PALD1: variants seen among roughly 807,000 people sequenced by gnomAD.
PALD1 encodes phosphatase domain containing paladin 1, also known as paladin.
PALD1 carries 57 observed loss-of-function variants against 96.0 expected under a neutral mutation model. The ratio of observed to expected loss-of-function variants is 0.59; its 90% CI spans 0.48 to 0.74. The LOEUF (loss-of-function observed/expected upper bound fraction) is 0.74, where lower values mean the gene tolerates loss of function less well. Ranked by LOEUF, PALD1 falls within the 30% of genes least tolerant of loss-of-function variation. The pLI is 0.00. For missense variants in PALD1, 1,063 were observed against 1,143.7 expected (o/e 0.93, Z 1.02); for synonymous variants, 464 against 473.6 (o/e 0.98, Z 0.26).
At chr10:70,558,332 T>C (rs200196998) in intron 18 of PALD1, among the ~76,000 whole-genome samples, 1 of 152,214 alleles carries the variant, frequency 6.6e-6, no homozygotes, top group East Asian at 1.9e-4. Context: ...GACCTCAGCC[T>C]CCCTTTCTGG....
At chr10:70,564,720 G>C (rs10823573) in intron 19 of PALD1, among the ~76,000 whole-genome samples, 18,610 of 152,252 alleles carry the variant, frequency 0.12, 1,667 homozygotes, top group East Asian at 0.53. Context: ...GTTTGTCTGT[G>C]CCTGGCAGGC....
intron 5 of PALD1, 147 bp from the exon 6 acceptor site, chr10:70,532,474 C>T: frequency 2.7e-6 from 2 of 734,006 alleles, no homozygotes; most frequent in South Asian, 3.7e-5. Context: ...GCATAGAGAG[C>T]ACTTCTGGCT....
intron 7 of PALD1, 149 bp from the exon 8 acceptor site, chr10:70,533,770 GCTT>G: frequency 1.6e-6 from 1 of 636,852 alleles, no homozygotes; most frequent in Non-Finnish European, 2.6e-6. Flanking sequence ...TCAGGCTGTG[GCTT>G]TGGCAGAAGA....
rs368066159 is a variant in PALD1, at chr10:70,536,892, G to A, written c.1228-919G>A. ...ACCTGGAGATCCGAGGGCCCTTGGG[G>A]TTCTCTCGGACAACCCCCCATGCAG... On this transcript the variant is annotated intron_variant, in intron 10 of 19. Coordinates refer to ENST00000263563, the MANE Select transcript of PALD1 (RefSeq NM_014431.3). Among the ~76,000 whole-genome samples the A allele has an allele frequency of 2.6e-5, 4 of 152,154 alleles. No individual in the cohort carries two copies. In the East Asian group the frequency reaches 5.8e-4, roughly 22 times the overall value.
intron 1 of PALD1, among the ~76,000 whole-genome samples, chr10:70,508,617 C>T (rs1255529181): frequency 3.9e-5 from 6 of 152,340 alleles, no homozygotes; most frequent in Admixed American, 6.5e-5. Flanking sequence ...CCTGTCCCAA[C>T]GCCACCACCC....
intron 1 of PALD1, among the ~76,000 whole-genome samples, chr10:70,504,075 G>C (rs1270857231): frequency 6.6e-6 from 1 of 152,224 alleles, no homozygotes; most frequent in East Asian, 1.9e-4. Context: ...TGCAAAAATG[G>C]GAGTAAGGCA....
intron 17 of PALD1, among the ~76,000 whole-genome samples, chr10:70,543,363 A>T (rs1267960772): frequency 1.3e-5 from 2 of 152,148 alleles, no homozygotes; most frequent in East Asian, 3.9e-4. Flanking sequence ...GTGTCATTTG[A>T]TGCACAAAAG....
chr10:70,478,354 G>T (rs542805103), upstream of PALD1, among the ~76,000 whole-genome samples: 1 of 152,308 alleles, frequency 6.6e-6, no homozygotes, highest in Non-Finnish European at 1.5e-5. Context: ...GCCGAGGCTC[G>T]GCCTGGCTGT....
rs1454024612 is a variant in PALD1 at position 70,531,319 on chromosome 10, AC to A, written c.500del (p.Pro167LeufsTer52). Reference sequence around the variant, plus strand: ...GTGTCATCTTCTGTGTGCGGGAGGAACCTGTGCTTTTCCTGCGTGCAGATGA... The same window carrying A: ...GTGTCATCTTCTGTGTGCGGGAGGAACTGTGCTTTTCCTGCGTGCAGATGA... Reference protein sequence around the residue: ...ECVIFCVREEPVLFLRADEDF... With the variant: ...ECVIFCVREEXVLFLRADEDF... On this transcript the variant is annotated frameshift_variant, in exon 5 of 20. Coordinates refer to ENST00000263563, the MANE Select transcript of PALD1 (RefSeq NM_014431.3). LOFTEE classifies it high-confidence loss of function. The A allele has an allele frequency of 1.2e-6, 2 of 1,613,440 alleles. No homozygotes were observed. The highest frequency in any genetic ancestry group is 2.7e-5 in the African/African-American group (2 of 74,792).
chr10:70,550,687 A>G (rs934751703), intron 18 of PALD1, among the ~76,000 whole-genome samples: 5 of 152,120 alleles, frequency 3.3e-5, no homozygotes, highest in Non-Finnish European at 2.9e-5. Flanking sequence ...GTGGATTTGC[A>G]TGGTCTGGCC....
At chr10:70,543,292 T>C (rs983813843) in intron 17 of PALD1, among the ~76,000 whole-genome samples, 1 of 152,186 alleles carries the variant, frequency 6.6e-6, no homozygotes, top group African/African-American at 2.4e-5. Context: ...TAATCACTTA[T>C]AAGAGAGGTG....
intron 1 of PALD1, among the ~76,000 whole-genome samples, chr10:70,511,695 T>G (rs1362937062): frequency 6.6e-6 from 1 of 152,158 alleles, no homozygotes; most frequent in Non-Finnish European, 1.5e-5. Context: ...CAGGTGAGCA[T>G]GTGAAACAGA....
At chr10:70,542,057 T>A (rs1368246668) in intron 17 of PALD1, among the ~76,000 whole-genome samples, 1 of 152,036 alleles carries the variant, frequency 6.6e-6, no homozygotes, top group Non-Finnish European at 1.5e-5. Flanking sequence ...TCCCTCGGAG[T>A]TGGCCCATGG....
At chr10:70,533,295 GTCTC>G (rs553206270) in intron 7 of PALD1, among the ~76,000 whole-genome samples, 50 of 152,114 alleles carry the variant, frequency 3.3e-4, no homozygotes, top group Non-Finnish European at 6.2e-4. Context: ...ATGTTTATGT[GTCTC>G]TCTGTGTGTC....
In PALD1 at chr10:70,566,628, C is replaced by T. The variant is rs1847861305; in HGVS notation, c.2466C>T (p.Phe822=). 3.1e-6 allele frequency: 5 copies of T among 1,611,122 alleles called. No homozygotes were observed. The African/African-American group carries it at 4.0e-5, about 13-fold the overall frequency. ...GIYEILNELG[F]PELESGEDQP... Reference sequence around the variant, plus strand: ...ACGAGATCCTTAACGAGCTGGGCTTCCCCGAGCTGGAGAGCGGGGAGGACC... The same window carrying T: ...ACGAGATCCTTAACGAGCTGGGCTTTCCCGAGCTGGAGAGCGGGGAGGACC... Residue 822 remains phenylalanine, a synonymous_variant, in exon 20 of 20, where the codon TTC becomes TTT. Transcript: ENST00000263563.
At chr10:70,469,017 C>G in the PALD1 span, among the ~76,000 whole-genome samples, 710 of 152,248 alleles carry the variant, frequency 4.7e-3, no homozygotes, top group Middle Eastern at 0.014. Flanking sequence ...TCCATTACCT[C>G]TAGCCGCGGA....
chr10:70,493,462 G>A (rs1846132641), intron 1 of PALD1, among the ~76,000 whole-genome samples: 1 of 152,144 alleles, frequency 6.6e-6, no homozygotes, highest in Non-Finnish European at 1.5e-5. Flanking sequence ...CTTTTCCTCT[G>A]TCTGTCTTTT....
chr10:70,489,271 C>T (rs1846063850), intron 1 of PALD1, among the ~76,000 whole-genome samples: 1 of 152,188 alleles, frequency 6.6e-6, no homozygotes, highest in Non-Finnish European at 1.5e-5. Context: ...ACCAATGAGA[C>T]TGCAGCCAGT....
intron 1 of PALD1, among the ~76,000 whole-genome samples, chr10:70,496,424 C>A (rs1445891315): frequency 6.6e-6 from 1 of 152,156 alleles, no homozygotes; most frequent in African/African-American, 2.4e-5. Flanking sequence ...TCCTTTCCCC[C>A]ACCCTGCCAC....
Sources: gnomAD v4.1 joint callset for allele counts (sites outside exome capture counted in the v4.1 genomes callset) on GRCh38, gnomAD v4.1.1 for gene constraint, MANE v1.5 for transcripts, NCBI Gene and HGNC (gene_info 2026-07-23, HGNC 2026-07-21) for gene names.